Variants in PDE11A observed in about 807,000 individuals in gnomAD.
PDE11A encodes the protein dual 3',5'-cyclic-AMP and -GMP phosphodiesterase 11A.
Under a neutral mutation model 100.5 loss-of-function variants are expected in PDE11A, and 100 were observed. The observed-to-expected ratio is 1.00, with a 90% confidence interval of 0.85 to 1.18. The LOEUF is 1.18. PDE11A is among the 50% of genes most tolerant of loss of function. PDE11A has a pLI of 0.00. For synonymous variants in PDE11A, 381 were observed against 420.8 expected (o/e 0.91, Z 1.16); for missense variants, 1,141 against 1,152.6 (o/e 0.99, Z 0.15).
In PDE11A at chr2:178,057,693, T is replaced by C. The variant is rs559653627; in HGVS notation, c.912+13833A>G. Among the ~76,000 whole-genome samples, 20 of 152,300 alleles carry C rather than the reference T, an allele frequency of 1.3e-4. No individual in the cohort carries two copies. In the East Asian group the frequency reaches 1.5e-3, roughly 12 times the overall value. On this transcript the variant is annotated intron_variant, in intron 1 of 19. Transcript: ENST00000286063. ...AACCTTGTTCATTCCTCTTCTCTAC[T>C]GGTAATAGATGAATTGCTTGATCCC...
In PDE11A at chr2:177,627,093, A is replaced by G. The variant is rs1470671018; in HGVS notation, c.*2314T>C. The stretch of plus-strand genomic sequence containing the variant: ...TGGTCGCCCAGGCTGGAGGGCAGTG[A>G]CGTGATCTCGACTCACTGCAAGCTC... On this transcript the variant is annotated 3_prime_UTR_variant, in exon 20 of 20. Coordinates refer to ENST00000286063, the MANE Select transcript of PDE11A (RefSeq NM_016953.4). 1.8e-5 allele frequency: 2 copies of G among 112,684 alleles called. No homozygotes were observed. Among genetic ancestry groups the G allele is most frequent in the Admixed American group, 1.3e-4 (1 of 7,770 alleles). The allele number at this position is 112,684 out of a possible 1,614,324, so 7.0% of individuals were successfully genotyped here.
chr2:178,005,758 C>G (rs1279316096), intron 2 of PDE11A, among the ~76,000 whole-genome samples: 1 of 152,200 alleles, frequency 6.6e-6, no homozygotes, highest in African/African-American at 2.4e-5. Context: ...GATCAATGAT[C>G]ATGCAAAGTC....
chr2:178,081,370 T>C (rs551242692), intron 2 of PDE11A, among the ~76,000 whole-genome samples: 2 of 152,306 alleles, frequency 1.3e-5, no homozygotes, highest in Non-Finnish European at 2.9e-5. Flanking sequence ...TTAAATGTCT[T>C]ACCAGTTTAT....
intron 1 of PDE11A, among the ~76,000 whole-genome samples, chr2:178,045,334 T>A (rs1475501224): frequency 6.6e-6 from 1 of 152,226 alleles, no homozygotes; most frequent in Non-Finnish European, 1.5e-5. Context: ...TGGTACTGAT[T>A]AGTTGTGATG....
chr2:177,747,431 G>T lies in PDE11A; in HGVS notation c.1789-19259C>A, dbSNP rs371765547. ...GGTCTCCAGCCTCCGTGCACCTCAA[G>T]TCACACACTTCACCTCTACATAGAA... On this transcript the variant is annotated intron_variant, in intron 10 of 19. Transcript: ENST00000286063. 7.4e-4 allele frequency among the ~76,000 whole-genome samples: 112 copies of T among 152,308 alleles called. 2 individuals are homozygous for T. Among genetic ancestry groups the T allele is most frequent in the African/African-American group, 2.4e-3 (100 of 41,570 alleles).
intron 2 of PDE11A, among the ~76,000 whole-genome samples, chr2:177,906,095 G>C (rs1298884882): frequency 1.3e-5 from 2 of 152,110 alleles, no homozygotes; most frequent in Admixed American, 6.5e-5. Context: ...TGACATACTT[G>C]GGACTTCTCT....
intron 1 of PDE11A, among the ~76,000 whole-genome samples, chr2:178,056,080 C>G (rs1380338325): frequency 6.6e-6 from 1 of 152,106 alleles, no homozygotes; most frequent in Admixed American, 6.6e-5. Context: ...GGTTGAGTTT[C>G]CCTTCGACGA....
chr2:177,792,260 C>A (rs1021596080), intron 9 of PDE11A, among the ~76,000 whole-genome samples: 2 of 152,156 alleles, frequency 1.3e-5, no homozygotes, highest in African/African-American at 4.8e-5. Flanking sequence ...CAGAGAAGAA[C>A]ATAGCATTCT....
At chr2:177,910,649 G>A (rs1303912175) in intron 2 of PDE11A, among the ~76,000 whole-genome samples, 1 of 152,036 alleles carries the variant, frequency 6.6e-6, no homozygotes, top group African/African-American at 2.4e-5. Flanking sequence ...TATGAACATT[G>A]GCTAATTAAT....
At chr2:177,944,584 A>G (rs2085381477) in intron 2 of PDE11A, among the ~76,000 whole-genome samples, 1 of 152,258 alleles carries the variant, frequency 6.6e-6, no homozygotes, top group Non-Finnish European at 1.5e-5. Context: ...GAACAGTTTT[A>G]TTAGATCTCT....
chr2:177,844,962 T>C (rs1203812133), intron 5 of PDE11A, among the ~76,000 whole-genome samples: 4 of 151,534 alleles, frequency 2.6e-5, no homozygotes, highest in African/African-American at 9.7e-5. Flanking sequence ...ACGGCAACCA[T>C]CCGATTTCTC....
chr2:177,930,088 A>G (rs1315140709), intron 2 of PDE11A, among the ~76,000 whole-genome samples: 1 of 151,274 alleles, frequency 6.6e-6, no homozygotes, highest in African/African-American at 2.4e-5. Context: ...CTCAATTTAA[A>G]GCTTATTCTT....
At chr2:177,833,424 T>C (rs568428016) in intron 6 of PDE11A, among the ~76,000 whole-genome samples, 1 of 152,268 alleles carries the variant, frequency 6.6e-6, no homozygotes, top group African/African-American at 2.4e-5. Context: ...AAAGGAAGAA[T>C]GTGGTGACTC....
chr2:178,022,957 G>A (rs1003938909), intron 1 of PDE11A, among the ~76,000 whole-genome samples: 1 of 152,194 alleles, frequency 6.6e-6, no homozygotes, highest in African/African-American at 2.4e-5. Context: ...GAGAAGTGCA[G>A]AAATCTTTTC....
At chr2:177,872,186 T>C (rs2084148038) in intron 5 of PDE11A, among the ~76,000 whole-genome samples, 1 of 152,174 alleles carries the variant, frequency 6.6e-6, no homozygotes, top group African/African-American at 2.4e-5. Flanking sequence ...ACTCAATATA[T>C]GACTGTTGAA....
At chr2:177,836,017 C>A (rs1321700095) in intron 6 of PDE11A, among the ~76,000 whole-genome samples, 1 of 152,220 alleles carries the variant, frequency 6.6e-6, no homozygotes, top group Non-Finnish European at 1.5e-5. Context: ...TGCTCTGCAG[C>A]ACCCGGTCCT....
intron 2 of PDE11A, among the ~76,000 whole-genome samples, chr2:177,951,918 A>T (rs11901207): frequency 2.0e-5 from 3 of 152,184 alleles, no homozygotes; most frequent in Non-Finnish European, 2.9e-5. Flanking sequence ...GGCAATTTTT[A>T]AAAAATACTT....
At chr2:177,998,264 CT>C in intron 2 of PDE11A, 1 of 829,012 alleles carries the variant, frequency 1.2e-6, no homozygotes, top group Non-Finnish European at 2.2e-6. Context: ...CTTCCACTTC[CT>C]TTGTTAATAC....
chr2:177,961,881 G>A (rs1279182100), intron 2 of PDE11A, among the ~76,000 whole-genome samples: 1 of 151,804 alleles, frequency 6.6e-6, no homozygotes, highest in Non-Finnish European at 1.5e-5. Flanking sequence ...GCCAAATGAT[G>A]AGACCACATC....
Sources: gnomAD v4.1 joint callset for allele counts (sites outside exome capture counted in the v4.1 genomes callset) on GRCh38, gnomAD v4.1.1 for gene constraint, MANE v1.5 for transcripts, NCBI Gene and HGNC (gene_info 2026-07-23, HGNC 2026-07-21) for gene names.